The following TTC34 variants were observed in gnomAD, a reference collection of about 807,000 sequenced individuals.
The protein encoded by TTC34 is tetratricopeptide repeat protein 34.
A neutral mutation model predicts 40.7 loss-of-function variants in TTC34; 44 were observed. The ratio of observed to expected loss-of-function variants is 1.08; its 90% CI spans 0.85 to 1.39. TTC34 has a LOEUF of 1.39. TTC34 is among the 40% of genes most tolerant of loss of function. The pLI is 0.00. For synonymous variants in TTC34, 422 were observed against 398.6 expected (o/e 1.06, Z -0.70); for missense variants, 884 against 838.0 (o/e 1.05, Z -0.68).
chr1:2,684,991 C>G (rs552787685), intron 6 of TTC34, among the ~76,000 whole-genome samples: 2 of 134,050 alleles, frequency 1.5e-5, no homozygotes, highest in South Asian at 2.3e-4. Context: ...TAGAACAGCA[C>G]CCATACCCCC....
chr1:2,690,430 G>T (rs1227832921), intron 6 of TTC34, among the ~76,000 whole-genome samples: 1 of 148,494 alleles, frequency 6.7e-6, no homozygotes, highest in African/African-American at 2.4e-5. Context: ...CCCCAGGCGA[G>T]CATCTGACAG....
At chr1:2,749,245 C>CCAGGCGAG (rs1641240276) in intron 6 of TTC34, among the ~76,000 whole-genome samples, 1 of 93,570 alleles carries the variant, frequency 1.1e-5, no homozygotes, top group East Asian at 3.5e-4. Context: ...ACCCACACCC[C>CCAGGCGAG]CATGTGAGCA....
rs1254561754 is a variant in TTC34 at position 2,650,181 on chromosome 1, G to T, written c.2227-4618C>A. Among the ~76,000 whole-genome samples the T allele has an allele frequency of 2.1e-5, 3 of 145,368 alleles. No homozygotes were observed. The East Asian group carries it at 6.0e-4, about 29-fold the overall frequency. ...CTGGAATGGCACTCTACACCCTCAG[G>T]TGAGCTTCTGACAGCCTGGAATGGC... On this transcript the variant is annotated intron_variant, in intron 6 of 8. Transcript: ENST00000401095.
intron 6 of TTC34, among the ~76,000 whole-genome samples, chr1:2,756,676 A>C (rs1641517247): frequency 3.0e-3 from 5 of 1,640 alleles, no homozygotes; most frequent in East Asian, 0.02. Flanking sequence ...CCCCCAGGTG[A>C]GCAGCTGAAA....
rs1166029241 is a variant in TTC34 at position 2,752,749 on chromosome 1, T to C, written c.2226+30860A>G. ...CACCCTGCACCCCCAGGACAGCATC[T>C]GACAGCGTGGAACAGCACCCATACG... On this transcript the variant is annotated intron_variant, in intron 6 of 8. Transcript: ENST00000401095. Among the ~76,000 whole-genome samples the C allele has an allele frequency of 1.9e-4, 22 of 117,754 alleles. 4 individuals are homozygous for C. The highest frequency in any genetic ancestry group is 3.0e-4 in the East Asian group (1 of 3,382). 77.3% of individuals were successfully genotyped at this position (117,754 alleles called of 152,430 possible).
Position 2,749,807 on chromosome 1 carries a change from C to T in TTC34, c.2226+33802G>A, listed in dbSNP as rs1641258213. On this transcript the variant is annotated intron_variant, in intron 6 of 8. Coordinates refer to ENST00000401095, the Ensembl canonical transcript of TTC34. ...ACAGCATGTATCAGCACCCACACCC[C>T]CAGGTGAGCATCTGACAGCCTGGAA... 2.9e-4 allele frequency among the ~76,000 whole-genome samples: 29 copies of T among 98,362 alleles called. 2 individuals are homozygous for T. The highest frequency in any genetic ancestry group is 2.8e-3 in the Admixed American group (28 of 10,100). The allele number at this position is 98,362 out of a possible 152,430, so 64.5% of individuals were successfully genotyped here.
At chr1:2,674,878 C>G (rs1411515185) in intron 6 of TTC34, among the ~76,000 whole-genome samples, 1 of 110,796 alleles carries the variant, frequency 9.0e-6, no homozygotes, top group African/African-American at 3.1e-5. Context: ...GCAGCGCCCA[C>G]AGCCACAGGC....
chr1:2,783,567 C>G, intron 6 of TTC34, 42 bp downstream of exon 6: 1 of 1,331,200 alleles, frequency 7.5e-7, no homozygotes, highest in Non-Finnish European at 9.7e-7. Context: ...CTGGGTCCCC[C>G]ACCCGTGCTT....
intron 2 of TTC34, among the ~76,000 whole-genome samples, chr1:2,795,306 C>T (rs1643701044): frequency 6.6e-6 from 1 of 152,192 alleles, no homozygotes; most frequent in Non-Finnish European, 1.5e-5. Context: ...TTTGGGCTGG[C>T]CTAAGCTGGA....
At position 2,752,861 on chromosome 1, in the gene TTC34, G is replaced by A. The variant is rs1171660324; in HGVS notation, c.2226+30748C>T. Among the ~76,000 whole-genome samples, 9 of 124,308 alleles carry A rather than the reference G, an allele frequency of 7.2e-5. 1 individual carries two copies. Among genetic ancestry groups the A allele is most frequent in the African/African-American group, 2.9e-4 (9 of 30,886 alleles). The allele number at this position is 124,308 out of a possible 152,430, so 81.6% of individuals were successfully genotyped here. ...ACTGGAACAGCACCCACACACCCAG[G>A]CGAGCATCTGATGGCCTGGAACGGC... On this transcript the variant is annotated intron_variant, in intron 6 of 8. Transcript: ENST00000401095.
chr1:2,778,696 A>T (rs2100612343), intron 6 of TTC34, among the ~76,000 whole-genome samples: 1 of 152,302 alleles, frequency 6.6e-6, no homozygotes. Flanking sequence ...GATCCCCAGG[A>T]GGGGCAGCAC....
At chr1:2,657,300 C>T (rs1344879156) in intron 6 of TTC34, among the ~76,000 whole-genome samples, 2 of 122,688 alleles carry the variant, frequency 1.6e-5, no homozygotes, top group Admixed American at 8.4e-5. Context: ...CGTGCCCAAA[C>T]ACCCAGGTGA....
At chr1:2,681,881 G>C (rs1269214278) in intron 6 of TTC34, among the ~76,000 whole-genome samples, 1 of 118,692 alleles carries the variant, frequency 8.4e-6, no homozygotes, top group Admixed American at 8.2e-5. Context: ...GTGAGCATCT[G>C]ACAGCCTGGA....
intron 6 of TTC34, among the ~76,000 whole-genome samples, chr1:2,779,522 A>T (rs1643444373): frequency 6.6e-6 from 1 of 152,060 alleles, no homozygotes. Context: ...ACCAGATTTC[A>T]CCGTGTTAGC....
chr1:2,688,708 G>C (rs1640487013), intron 6 of TTC34, among the ~76,000 whole-genome samples: 3 of 121,444 alleles, frequency 2.5e-5, no homozygotes, highest in Admixed American at 8.2e-5. Context: ...GAGAGCATCT[G>C]ACAGCCTGGA....
chr1:2,683,672 A>T (rs1189318091), intron 6 of TTC34, among the ~76,000 whole-genome samples: 1 of 138,048 alleles, frequency 7.2e-6, no homozygotes, highest in Non-Finnish European at 1.5e-5. Flanking sequence ...AGCACGCTGC[A>T]CCCCCAGGTG....
At chr1:2,765,754 AC>A (rs1641770349) in intron 6 of TTC34, among the ~76,000 whole-genome samples, 1 of 44,858 alleles carries the variant, frequency 2.2e-5, no homozygotes, top group South Asian at 1.1e-3. Context: ...CAGCGCCCAC[AC>A]CCCCAGGTGA....
At chr1:2,794,219 C>A (rs1244105359) in intron 2 of TTC34, among the ~76,000 whole-genome samples, 2 of 152,140 alleles carry the variant, frequency 1.3e-5, no homozygotes, top group Non-Finnish European at 2.9e-5. Context: ...GTTGCCCAGG[C>A]TGGTGTCAGA....
chr1:2,685,051 T>C (rs1159756584), intron 6 of TTC34, among the ~76,000 whole-genome samples: 1 of 141,106 alleles, frequency 7.1e-6, no homozygotes, highest in Non-Finnish European at 1.5e-5. Context: ...CAGGTGAGCA[T>C]CTGACAGCCT....
Sources: gnomAD v4.1 joint callset for allele counts (sites outside exome capture counted in the v4.1 genomes callset) on GRCh38, gnomAD v4.1.1 for gene constraint, MANE v1.5 for transcripts, NCBI Gene and HGNC (gene_info 2026-07-23, HGNC 2026-07-21) for gene names.